IL23R: variants seen among roughly 807,000 people sequenced by gnomAD.
IL23R encodes the protein interleukin-23 receptor.
Under a neutral mutation model 56.9 loss-of-function variants are expected in IL23R, and 34 were observed. The ratio of observed to expected loss-of-function variants is 0.60; its 90% confidence interval spans 0.45 to 0.80. The LOEUF is 0.80. Ranked by LOEUF, IL23R falls within the 30% of genes least tolerant of loss-of-function variation. The pLI, the probability that IL23R is intolerant of heterozygous loss-of-function variation, is 0.00. For missense variants in IL23R, 635 were observed against 730.0 expected (o/e 0.87, Z 1.50); for synonymous variants, 230 against 249.2 (o/e 0.92, Z 0.73).
rs756229051 is a variant in IL23R at position 67,236,784 on chromosome 1, A to G, written c.1027A>G (p.Thr343Ala). The part of the protein sequence containing the change: ...NSGLTVASIS[T>A]GHLTSDNRGD... ...TGGGCTAACAGTTGCTTCCATCTCT[A>G]CAGGGCACCTTACTTCTGGTAAGAA... Residue 343 changes from threonine to alanine, a missense_variant, in exon 8 of 11, where the codon ACA becomes GCA. Coordinates refer to ENST00000347310, the MANE Select transcript of IL23R (RefSeq NM_144701.3). 1.2e-6 allele frequency: 2 copies of G among 1,610,154 alleles called. No homozygotes were observed. Among genetic ancestry groups the G allele is most frequent in the South Asian group, 2.2e-5 (2 of 90,994 alleles).
chr1:67,233,195 CAAAAAAAAAAAAAA>C (rs34125353), intron 7 of IL23R, among the ~76,000 whole-genome samples: 4 of 53,636 alleles, frequency 7.5e-5, no homozygotes, highest in Non-Finnish European at 1.3e-4. Context: ...CTAAAAATTC[CAAAAAAAAAAAAAA>C]AAAAAAAAAA....
intron 1 of IL23R, among the ~76,000 whole-genome samples, chr1:67,153,541 G>A (rs993389156): frequency 3.9e-5 from 6 of 151,990 alleles, no homozygotes; most frequent in Non-Finnish European, 8.8e-5. Context: ...GTGATGTTAA[G>A]GTGATGATTT....
downstream of IL23R, among the ~76,000 whole-genome samples, chr1:67,264,911 A>AAAGT (rs1428724106): frequency 2.0e-5 from 3 of 152,338 alleles, no homozygotes; most frequent in African/African-American, 7.2e-5. Context: ...TGGGGTAGTA[A>AAAGT]AAGTATTCTG....
At chr1:67,170,928 T>A (rs909796312) in intron 3 of IL23R, among the ~76,000 whole-genome samples, 6 of 152,164 alleles carry the variant, frequency 3.9e-5, no homozygotes, top group Non-Finnish European at 8.8e-5. Flanking sequence ...CTATAGAAAG[T>A]TGTAGAGGTG....
intron 6 of IL23R, among the ~76,000 whole-genome samples, chr1:67,218,589 A>G (rs933528748): frequency 7.5e-5 from 11 of 147,022 alleles, no homozygotes; most frequent in African/African-American, 2.7e-4. Context: ...TTAAAAGAGT[A>G]TATTCCAAAA....
intron 1 of IL23R, among the ~76,000 whole-genome samples, chr1:67,148,734 T>C (rs1646703720): frequency 6.6e-6 from 1 of 152,242 alleles, no homozygotes; most frequent in South Asian, 2.1e-4. Flanking sequence ...AGCTTCACTG[T>C]GGGCAGAAGG....
At chr1:67,189,273 A>G (rs1647572885) in intron 4 of IL23R, among the ~76,000 whole-genome samples, 1 of 152,140 alleles carries the variant, frequency 6.6e-6, no homozygotes, top group South Asian at 2.1e-4. Flanking sequence ...CTCAATAAAT[A>G]TTTGTTGAGT....
At position 67,241,671 on chromosome 1, in the gene IL23R, G is replaced by C. The variant is rs922041535; in HGVS notation, c.1148+1390G>C. On this transcript the variant is annotated intron_variant, in intron 9 of 10. Transcript: ENST00000347310. The stretch of plus-strand genomic sequence containing the variant: ...TAGCTCTTGTTATTCCAGTTGAAGA[G>C]AGACCATTTGACATTCTGGAGATGG... Among the ~76,000 whole-genome samples, 3 of 152,206 alleles carry C rather than the reference G, an allele frequency of 2.0e-5. No homozygotes were observed. The East Asian group carries it at 5.8e-4, about 29-fold the overall frequency.
chr1:67,252,857 G>A (rs1652721915), intron 9 of IL23R, among the ~76,000 whole-genome samples: 2 of 150,664 alleles, frequency 1.3e-5, no homozygotes, highest in South Asian at 2.1e-4. Flanking sequence ...GTGATGTACA[G>A]AAACAGCTGG....
upstream of IL23R, among the ~76,000 whole-genome samples, chr1:67,163,468 C>CAAAAAAAAAAAAAAAAAAAAA (rs57495148): frequency 4.0e-5 from 2 of 49,586 alleles, no homozygotes; most frequent in Non-Finnish European, 6.5e-5. Flanking sequence ...GACCCTGTCT[C>CAAAAAAAAAAAAAAAAAAAAA]AAAAAAAAAA....
At chr1:67,264,197 C>T (rs1450256783), downstream of IL23R, among the ~76,000 whole-genome samples, 1 of 152,244 alleles carries the variant, frequency 6.6e-6, no homozygotes, top group East Asian at 1.9e-4. Flanking sequence ...AGGGCTTTCT[C>T]TCAGAGGCTG....
At chr1:67,228,363 CTTTTT>C (rs78083258) in intron 7 of IL23R, among the ~76,000 whole-genome samples, 1 of 105,782 alleles carries the variant, frequency 9.5e-6, no homozygotes, top group African/African-American at 3.4e-5. Flanking sequence ...TTTTTTCTTC[CTTTTT>C]TTTTTTTTTT....
chr1:67,227,738 C>T (rs1222992542), intron 7 of IL23R, among the ~76,000 whole-genome samples: 1 of 152,170 alleles, frequency 6.6e-6, no homozygotes, highest in Non-Finnish European at 1.5e-5. Flanking sequence ...GGGTTCTGAA[C>T]TTGTAGACTC....
At chr1:67,216,693 T>G (rs1222616345) in intron 6 of IL23R, among the ~76,000 whole-genome samples, 1 of 151,748 alleles carries the variant, frequency 6.6e-6, no homozygotes, top group Non-Finnish European at 1.5e-5. Flanking sequence ...AAAAAAAATT[T>G]CTTTCAACCA....
intron 3 of IL23R, among the ~76,000 whole-genome samples, chr1:67,174,939 A>C (rs1646988881): frequency 6.6e-6 from 1 of 152,196 alleles, no homozygotes; most frequent in East Asian, 1.9e-4. Context: ...CAGAGATAGC[A>C]GTTTCAGGAG....
intron 4 of IL23R, among the ~76,000 whole-genome samples, chr1:67,196,428 T>G (rs1389852976): frequency 6.6e-6 from 1 of 152,172 alleles, no homozygotes; most frequent in Admixed American, 6.5e-5. Context: ...CGATCCCAGC[T>G]ACTCAGGAGG....
intron 5 of IL23R, among the ~76,000 whole-genome samples, chr1:67,204,307 C>T (rs776559101): frequency 2.2e-4 from 33 of 152,252 alleles, no homozygotes; most frequent in Non-Finnish European, 4.0e-4. Flanking sequence ...TCATGATCGG[C>T]CCGCCTCGAC....
downstream of IL23R, among the ~76,000 whole-genome samples, chr1:67,261,317 CTTTTT>C (rs34805261): frequency 7.6e-6 from 1 of 131,612 alleles, no homozygotes; most frequent in African/African-American, 2.8e-5. Context: ...AGAAATTTAT[CTTTTT>C]TTTTTTTTTT....
At chr1:67,141,379 A>C (rs1439313144) in intron 1 of IL23R, among the ~76,000 whole-genome samples, 1 of 152,126 alleles carries the variant, frequency 6.6e-6, no homozygotes, top group Non-Finnish European at 1.5e-5. Flanking sequence ...TGGCCAAAAG[A>C]CTTTTTTCTT....
Sources: gnomAD v4.1 joint callset for allele counts (sites outside exome capture counted in the v4.1 genomes callset) on GRCh38, gnomAD v4.1.1 for gene constraint, MANE v1.5 for transcripts, NCBI Gene and HGNC (gene_info 2026-07-23, HGNC 2026-07-21) for gene names.